TENM1: variants seen among roughly 807,000 people sequenced by gnomAD.
The protein encoded by TENM1 is teneurin transmembrane protein 1.
In TENM1, 35 loss-of-function variants were observed where a neutral mutation model predicts 174.8. The observed-to-expected ratio is 0.20, with a 90% CI of 0.15 to 0.27. The LOEUF is 0.27. Among genes scored for constraint, TENM1 ranks in the 10% least tolerant of loss-of-function variants. The pLI is 1.00. For synonymous variants in TENM1, 781 were observed against 798.7 expected (o/e 0.98, Z 0.37); for missense variants, 1,633 against 2,130.1 (o/e 0.77, Z 4.59).
chrX:124,899,582 A>T (rs2057622767), intron 1 of TENM1, among the ~76,000 whole-genome samples: 1 of 111,735 alleles, frequency 8.9e-6, no homozygotes, highest in African/African-American at 3.3e-5. Context: ...TGCAATGAAC[A>T]TCTGAGTGCA....
intron 1 of TENM1, among the ~76,000 whole-genome samples, chrX:124,916,524 G>C (rs764091208): frequency 6.3e-5 from 7 of 111,131 alleles, no homozygotes; most frequent in Non-Finnish European, 1.3e-4. Context: ...TGTTTTCCAG[G>C]CTGGTCTCAA....
chrX:125,041,948 G>T, the TENM1 span, among the ~76,000 whole-genome samples: 1 of 111,662 alleles, frequency 9.0e-6, no homozygotes, highest in African/African-American at 3.2e-5. Context: ...GACATAAAAA[G>T]GGCAAATGCT....
At chrX:124,855,844 G>A (rs1256614255) in intron 3 of TENM1, among the ~76,000 whole-genome samples, 1 of 111,455 alleles carries the variant, frequency 9.0e-6, no homozygotes, top group Non-Finnish European at 1.9e-5. Flanking sequence ...AAAGAGGAAA[G>A]GAAGATTTGT....
At chrX:124,760,793 A>T (rs962654916) in intron 3 of TENM1, among the ~76,000 whole-genome samples, 8 of 111,795 alleles carry the variant, frequency 7.2e-5, no homozygotes, top group African/African-American at 2.6e-4. Flanking sequence ...TGCAATCTAC[A>T]CATCTGACAG....
At chrX:124,395,575 CTCTT>C (rs756217973) in intron 27 of TENM1, among the ~76,000 whole-genome samples, 2 of 111,949 alleles carry the variant, frequency 1.8e-5, no homozygotes, top group African/African-American at 6.5e-5. Flanking sequence ...GGACTCTTGA[CTCTT>C]TATACCATCT....
At chrX:125,159,243 C>G in the TENM1 span, among the ~76,000 whole-genome samples, 6 of 112,240 alleles carry the variant, frequency 5.3e-5, no homozygotes, top group African/African-American at 1.9e-4. Flanking sequence ...CTCATGCTAG[C>G]TCCCTTGGAA....
At chrX:124,453,821 A>T (rs1327279445) in intron 22 of TENM1, among the ~76,000 whole-genome samples, 1 of 111,418 alleles carries the variant, frequency 9.0e-6, no homozygotes, top group Non-Finnish European at 1.9e-5. Context: ...AAAGACGGGG[A>T]GATCATGTAT....
chrX:124,703,024 TG>T (rs2052811002), intron 5 of TENM1, among the ~76,000 whole-genome samples: 1 of 111,674 alleles, frequency 9.0e-6, no homozygotes, highest in Non-Finnish European at 1.9e-5. Flanking sequence ...ATGGTAACAA[TG>T]GTAATATTAA....
the TENM1 span, among the ~76,000 whole-genome samples, chrX:124,977,989 A>T: frequency 0.061 from 5,693 of 92,673 alleles, 321 homozygotes; most frequent in Admixed American, 0.18. Context: ...AGAGAGAGAG[A>T]GAGAGAGAGA....
exon 26 of TENM1, chrX:124,406,464 T>C: frequency 8.3e-7 from 1 of 1,206,017 alleles, no homozygotes; most frequent in Non-Finnish European, 1.1e-6. Flanking sequence ...AACGTTGCAT[T>C]GGTCAGGTGT....
At chrX:124,593,510 G>A (rs1370180966) in intron 11 of TENM1, among the ~76,000 whole-genome samples, 16 of 111,177 alleles carry the variant, frequency 1.4e-4, no homozygotes, top group African/African-American at 5.2e-4. Flanking sequence ...GGCTCAGGCT[G>A]CTAGTCTAGG....
At chrX:124,468,683 T>C (rs34543054) in intron 22 of TENM1, among the ~76,000 whole-genome samples, 42,601 of 110,613 alleles carry the variant, frequency 0.39, 6,352 homozygotes, top group Middle Eastern at 0.49. Flanking sequence ...GCTTTAAAAA[T>C]TTATGTAGGA....
intron 22 of TENM1, among the ~76,000 whole-genome samples, chrX:124,461,288 T>C (rs2061169924): frequency 8.9e-6 from 1 of 111,998 alleles, no homozygotes; most frequent in Non-Finnish European, 1.9e-5. Flanking sequence ...TCATATATTG[T>C]TGGTGGAAAT....
At chrX:124,705,213 A>G (rs771940305) in exon 5 of TENM1, 3 of 1,205,855 alleles carry the variant, frequency 2.5e-6, no homozygotes, top group Non-Finnish European at 3.4e-6. Context: ...TGCACTGAAG[A>G]TCGCAGAGGA....
intron 1 of TENM1, among the ~76,000 whole-genome samples, chrX:124,901,433 T>C (rs1366484769): frequency 8.9e-6 from 1 of 111,941 alleles, no homozygotes; most frequent in Non-Finnish European, 1.9e-5. Context: ...AGGAAAGTTA[T>C]AGCTATCTGT....
chrX:124,595,114 T>A (rs1268490039), intron 11 of TENM1, among the ~76,000 whole-genome samples: 1 of 112,465 alleles, frequency 8.9e-6, no homozygotes, highest in Admixed American at 9.4e-5. Flanking sequence ...GTCAATTATC[T>A]TCTTGGGAAG....
intron 3 of TENM1, among the ~76,000 whole-genome samples, chrX:124,828,504 C>G (rs988460959): frequency 8.9e-6 from 1 of 112,211 alleles, no homozygotes. Flanking sequence ...TACTTTCCAC[C>G]TGCCCTTTTA....
chrX:124,816,395 A>G (rs889976032), intron 3 of TENM1, among the ~76,000 whole-genome samples: 6 of 112,432 alleles, frequency 5.3e-5, no homozygotes, highest in African/African-American at 1.9e-4. Flanking sequence ...CAATAGTTCA[A>G]CATAGGCTAA....
chrX:124,785,695 A>T (rs1293308193), intron 3 of TENM1, among the ~76,000 whole-genome samples: 1 of 112,141 alleles, frequency 8.9e-6, no homozygotes, highest in Non-Finnish European at 1.9e-5. Flanking sequence ...ATCACTTTAG[A>T]TGCTGTAACA....
Sources: allele counts gnomAD v4.1 joint callset (sites outside exome capture counted in the v4.1 genomes callset), GRCh38; gene constraint gnomAD v4.1.1; transcripts MANE v1.5; gene names NCBI Gene and HGNC (gene_info 2026-07-23, HGNC 2026-07-21).